ZC3H12B: variants seen among roughly 807,000 people sequenced by gnomAD.
The protein encoded by ZC3H12B is probable ribonuclease ZC3H12B.
A neutral mutation model predicts 43.9 loss-of-function variants in ZC3H12B; 7 were observed. That is an observed-to-expected ratio of 0.16 (90% CI 0.09 to 0.30). The LOEUF (loss-of-function observed/expected upper bound fraction) is 0.30. Among genes scored for constraint, ZC3H12B ranks in the 10% least tolerant of loss-of-function variants. The pLI is 1.00. For synonymous variants in ZC3H12B, 222 were observed against 241.7 expected (o/e 0.92, Z 0.76); for missense variants, 475 against 670.2 (o/e 0.71, Z 3.22).
chrX:65,190,278 C>T, the ZC3H12B span, among the ~76,000 whole-genome samples: 26 of 110,233 alleles, frequency 2.4e-4, no homozygotes, highest in African/African-American at 5.6e-4. Flanking sequence ...CTTGGCAATG[C>T]GGGCTCTTTT....
At chrX:65,175,747 A>G in the ZC3H12B span, among the ~76,000 whole-genome samples, 1 of 112,160 alleles carries the variant, frequency 8.9e-6, no homozygotes, top group Non-Finnish European at 1.9e-5. Context: ...AAAACTCATG[A>G]AGCACGGTGG....
chrX:65,460,284 C>G (rs1238579826), intron 3 of ZC3H12B, among the ~76,000 whole-genome samples: 1 of 111,455 alleles, frequency 9.0e-6, no homozygotes, highest in Admixed American at 9.5e-5. Context: ...CCATACTGCC[C>G]AAGGTAATTT....
chrX:65,185,839 G>T, the ZC3H12B span: 1 of 111,411 alleles, frequency 9.0e-6, no homozygotes, highest in Non-Finnish European at 1.9e-5. Context: ...ACCAAATCTT[G>T]AAAGATTTCC....
the ZC3H12B span, among the ~76,000 whole-genome samples, chrX:65,240,025 C>T: frequency 1.2e-4 from 13 of 111,304 alleles, no homozygotes; most frequent in African/African-American, 3.9e-4. Context: ...TCATTTCAAT[C>T]TTGAAGAATC....
upstream of ZC3H12B, among the ~76,000 whole-genome samples, chrX:65,365,060 G>A (rs1280952789): frequency 1.8e-5 from 2 of 111,079 alleles, no homozygotes; most frequent in South Asian, 3.8e-4. Flanking sequence ...GTCCAATAAC[G>A]GACTGTCCTT....
At chrX:65,250,624 C>A in the ZC3H12B span, among the ~76,000 whole-genome samples, 1 of 111,770 alleles carries the variant, frequency 8.9e-6, no homozygotes, top group Admixed American at 9.5e-5. Context: ...TTAATGATCA[C>A]CATTCTAACT....
chrX:65,242,212 G>A, the ZC3H12B span, among the ~76,000 whole-genome samples: 2 of 110,751 alleles, frequency 1.8e-5, no homozygotes, highest in East Asian at 5.7e-4. Flanking sequence ...CCAAATGCGA[G>A]GACCTGGATA....
the ZC3H12B span, among the ~76,000 whole-genome samples, chrX:65,071,607 T>C: frequency 8.9e-6 from 1 of 112,040 alleles, no homozygotes; most frequent in Non-Finnish European, 1.9e-5. Context: ...CTTTTTGATA[T>C]ATAGTGTTTC....
the ZC3H12B span, among the ~76,000 whole-genome samples, chrX:65,123,258 G>A: frequency 9.0e-6 from 1 of 111,724 alleles, no homozygotes; most frequent in Non-Finnish European, 1.9e-5. Flanking sequence ...AACCAGCCTT[G>A]CATCCCAGGG....
intron 1 of ZC3H12B, among the ~76,000 whole-genome samples, chrX:65,491,689 G>A (rs1244608934): frequency 1.0e-5 from 1 of 98,894 alleles, no homozygotes; most frequent in Non-Finnish European, 2.0e-5. Context: ...CTTGAGTGAT[G>A]GAGTGAGGCC....
At chrX:65,390,579 A>G (rs1256347877) in intron 2 of ZC3H12B, among the ~76,000 whole-genome samples, 2 of 111,475 alleles carry the variant, frequency 1.8e-5, no homozygotes, top group Non-Finnish European at 3.8e-5. Flanking sequence ...TATATGAGGC[A>G]CATATTCTTA....
the ZC3H12B span, among the ~76,000 whole-genome samples, chrX:65,230,035 G>T: frequency 3.6e-5 from 4 of 111,319 alleles, no homozygotes; most frequent in East Asian, 1.1e-3. Flanking sequence ...CCATTACTGG[G>T]TATATACCCA....
chrX:65,209,330 C>G, the ZC3H12B span, among the ~76,000 whole-genome samples: 2 of 67,232 alleles, frequency 3.0e-5, no homozygotes, highest in Non-Finnish European at 2.7e-5. Flanking sequence ...CTATAAATTT[C>G]CCTCTACACA....
chrX:65,043,926 A>G, the ZC3H12B span, among the ~76,000 whole-genome samples: 1 of 112,047 alleles, frequency 8.9e-6, no homozygotes, highest in African/African-American at 3.2e-5. Context: ...TTTGATCTAT[A>G]CATTCATTCA....
chrX:65,399,774 G>A (rs2066742191), intron 3 of ZC3H12B, among the ~76,000 whole-genome samples: 1 of 112,196 alleles, frequency 8.9e-6, no homozygotes, highest in Admixed American at 9.4e-5. Context: ...AGATTTGGAA[G>A]CAACCAAAGT....
the ZC3H12B span, among the ~76,000 whole-genome samples, chrX:65,116,681 C>T: frequency 9.1e-6 from 1 of 110,379 alleles, no homozygotes. Context: ...TCGTCATTTA[C>T]ATTAGGTATA....
the ZC3H12B span, among the ~76,000 whole-genome samples, chrX:65,200,316 ATTTG>A: frequency 9.2e-6 from 1 of 108,862 alleles, no homozygotes; most frequent in Non-Finnish European, 1.9e-5. Flanking sequence ...CTTCTTGTAC[ATTTG>A]TTTAAGTTCC....
the ZC3H12B span, among the ~76,000 whole-genome samples, chrX:65,320,122 C>T: frequency 1.8e-5 from 2 of 111,150 alleles, no homozygotes; most frequent in African/African-American, 3.3e-5. Context: ...TGTTGGCAGA[C>T]GACATGATCC....
At chrX:65,484,100 T>C (rs1471277655), upstream of ZC3H12B, among the ~76,000 whole-genome samples, 1 of 112,284 alleles carries the variant, frequency 8.9e-6, no homozygotes, top group Non-Finnish European at 1.9e-5. Flanking sequence ...TTATATCTTT[T>C]AGGTATGTAC....
Sources: allele counts gnomAD v4.1 joint callset (sites outside exome capture counted in the v4.1 genomes callset), GRCh38; gene constraint gnomAD v4.1.1; transcripts MANE v1.5; gene names NCBI Gene and HGNC (gene_info 2026-07-23, HGNC 2026-07-21).